Variants in MACROD2 observed in about 807,000 individuals in gnomAD.
MACROD2 encodes ADP-ribose glycohydrolase MACROD2.
Under a neutral mutation model 70.4 loss-of-function variants are expected in MACROD2, and 36 were observed. The ratio of observed to expected loss-of-function variants is 0.51; its 90% CI spans 0.39 to 0.68. The LOEUF is 0.68. Ranked by LOEUF, MACROD2 falls within the 30% of genes least tolerant of loss-of-function variation. The pLI is 0.00. For missense variants in MACROD2, 496 were observed against 538.4 expected (o/e 0.92, Z 0.78); for synonymous variants, 172 against 178.8 (o/e 0.96, Z 0.30).
intron 5 of MACROD2, among the ~76,000 whole-genome samples, chr20:15,111,097 C>T (rs2123220665): frequency 6.6e-6 from 1 of 152,090 alleles, no homozygotes; most frequent in East Asian, 1.9e-4. Flanking sequence ...ATCTGACTCA[C>T]ACATATAATC....
intron 8 of MACROD2, among the ~76,000 whole-genome samples, chr20:15,812,267 T>C (rs1050833623): frequency 7.2e-5 from 11 of 152,212 alleles, no homozygotes; most frequent in African/African-American, 2.7e-4. Flanking sequence ...TCCTTTCTCT[T>C]ATTATTTTTC....
At chr20:15,909,617 G>A (rs937419199) in intron 10 of MACROD2, among the ~76,000 whole-genome samples, 6 of 148,270 alleles carry the variant, frequency 4.0e-5, no homozygotes, top group African/African-American at 5.0e-5. Flanking sequence ...TCCGCCTCCC[G>A]GGTTCACACC....
At chr20:14,694,009 T>C (rs552974773) in intron 5 of MACROD2, among the ~76,000 whole-genome samples, 1 of 152,210 alleles carries the variant, frequency 6.6e-6, no homozygotes, top group South Asian at 2.1e-4. Flanking sequence ...TAGACGACTA[T>C]AGTGAGGAAG....
chr20:14,527,460 C>A (rs1414025410), intron 4 of MACROD2, among the ~76,000 whole-genome samples: 3 of 151,902 alleles, frequency 2.0e-5, no homozygotes, highest in African/African-American at 7.3e-5. Flanking sequence ...CTTCCCTTCC[C>A]AGCACTCCCA....
At chr20:15,433,459 C>CAAAAAAAAAAAAAAAAAAAAA (rs60298297) in intron 7 of MACROD2, among the ~76,000 whole-genome samples, 1 of 88,280 alleles carries the variant, frequency 1.1e-5, no homozygotes. Flanking sequence ...ACAAGAGCTG[C>CAAAAAAAAAAAAAAAAAAAAA]AAAAAAAAAA....
At chr20:14,196,092 C>T (rs1194330197) in intron 3 of MACROD2, among the ~76,000 whole-genome samples, 2 of 152,154 alleles carry the variant, frequency 1.3e-5, no homozygotes, top group Admixed American at 6.5e-5. Flanking sequence ...TCTGTATGCT[C>T]CCCTAGAGGT....
At chr20:14,837,359 A>C (rs1023915446) in intron 5 of MACROD2, among the ~76,000 whole-genome samples, 8 of 152,090 alleles carry the variant, frequency 5.3e-5, no homozygotes, top group Non-Finnish European at 1.0e-4. Flanking sequence ...GAGAAAAATT[A>C]GATGTTCATA....
intron 3 of MACROD2, among the ~76,000 whole-genome samples, chr20:14,374,603 T>G (rs2083355404): frequency 6.6e-6 from 1 of 152,190 alleles, no homozygotes; most frequent in Non-Finnish European, 1.5e-5. Flanking sequence ...AAAGATTTTT[T>G]TATAAGAACT....
At chr20:14,590,034 A>G (rs115748335) in intron 4 of MACROD2, among the ~76,000 whole-genome samples, 2,123 of 152,204 alleles carry the variant, frequency 0.014, 56 homozygotes, top group African/African-American at 0.049. Flanking sequence ...AAAACTGTGG[A>G]TATTAGACAG....
At chr20:15,839,953 T>C (rs369924584) in intron 8 of MACROD2, among the ~76,000 whole-genome samples, 1 of 152,246 alleles carries the variant, frequency 6.6e-6, no homozygotes. Flanking sequence ...ACAAGAATTA[T>C]CTACTGGCTC....
At chr20:15,136,892 G>A (rs1039522530) in intron 5 of MACROD2, among the ~76,000 whole-genome samples, 40 of 143,142 alleles carry the variant, frequency 2.8e-4, no homozygotes, top group Non-Finnish European at 4.8e-4. Flanking sequence ...TCAAAAAGTG[G>A]GCAAAGAATA....
intron 2 of MACROD2, among the ~76,000 whole-genome samples, chr20:14,057,266 GA>G (rs746707817): frequency 6.6e-6 from 1 of 152,162 alleles, no homozygotes; most frequent in Non-Finnish European, 1.5e-5. Flanking sequence ...TAAAAGGGAA[GA>G]TTGATAACCT....
intron 8 of MACROD2, among the ~76,000 whole-genome samples, chr20:15,708,483 G>A (rs1219793290): frequency 2.0e-5 from 3 of 152,046 alleles, no homozygotes; most frequent in East Asian, 3.9e-4. Flanking sequence ...CAGACATGCT[G>A]GAGAAACAGC....
intron 12 of MACROD2, among the ~76,000 whole-genome samples, chr20:15,939,818 C>T (rs1438701404): frequency 6.6e-6 from 1 of 151,924 alleles, no homozygotes; most frequent in Non-Finnish European, 1.5e-5. Flanking sequence ...TGAGAGAAGG[C>T]CAAAATATCA....
intron 3 of MACROD2, among the ~76,000 whole-genome samples, chr20:14,434,166 T>A (rs532898113): frequency 6.6e-6 from 1 of 152,318 alleles, no homozygotes; most frequent in South Asian, 2.1e-4. Context: ...AACTTCTAAT[T>A]TAAATTCTCA....
intron 6 of MACROD2, among the ~76,000 whole-genome samples, chr20:15,329,771 T>A (rs2077972365): frequency 6.6e-6 from 1 of 152,024 alleles, no homozygotes; most frequent in Non-Finnish European, 1.5e-5. Flanking sequence ...CAGATAATTT[T>A]AGGATTCTAT....
intron 8 of MACROD2, among the ~76,000 whole-genome samples, chr20:15,700,370 A>G (rs1422934178): frequency 6.6e-6 from 1 of 152,148 alleles, no homozygotes; most frequent in East Asian, 1.9e-4. Context: ...GGCACTGGCG[A>G]TGGTTTCGCA....
intron 6 of MACROD2, among the ~76,000 whole-genome samples, chr20:15,374,680 G>A (rs549858951): frequency 6.6e-6 from 1 of 152,254 alleles, no homozygotes; most frequent in South Asian, 2.1e-4. Context: ...GCAAGAAAGA[G>A]ATGTTTTCAA....
chr20:14,563,632 C>G (rs1455290710), intron 4 of MACROD2, among the ~76,000 whole-genome samples: 1 of 151,936 alleles, frequency 6.6e-6, no homozygotes, highest in Admixed American at 6.6e-5. Flanking sequence ...CAGTTTCCCC[C>G]AATGGTAACA....
Sources: gnomAD v4.1 joint callset for allele counts (sites outside exome capture counted in the v4.1 genomes callset) on GRCh38, gnomAD v4.1.1 for gene constraint, MANE v1.5 for transcripts, NCBI Gene and HGNC (gene_info 2026-07-23, HGNC 2026-07-21) for gene names.